The following FAM151B variants were observed in gnomAD, a reference collection of about 807,000 sequenced individuals.
FAM151B encodes family with sequence similarity 151 member B.
A neutral mutation model predicts 31.2 loss-of-function variants in FAM151B; 24 were observed. The ratio of observed to expected loss-of-function variants is 0.77; its 90% CI spans 0.56 to 1.08. The LOEUF (loss-of-function observed/expected upper bound fraction) is 1.08. FAM151B is among the 50% of genes least tolerant of loss of function. The pLI is 0.00. For missense variants in FAM151B, 293 were observed against 328.6 expected, an observed-to-expected ratio of 0.89 and a Z score of 0.84; for synonymous variants, 105 against 111.4, an observed-to-expected ratio of 0.94 and a Z score of 0.36.
intron 5 of FAM151B, among the ~76,000 whole-genome samples, chr5:80,528,128 C>T (rs1745053796): frequency 6.6e-6 from 1 of 151,900 alleles, no homozygotes; most frequent in South Asian, 2.1e-4. Flanking sequence ...GAAAATTTCC[C>T]GAATGAGTAG....
intron 2 of FAM151B, among the ~76,000 whole-genome samples, chr5:80,511,594 A>T (rs190884690): frequency 6.6e-6 from 1 of 151,310 alleles, no homozygotes; most frequent in Non-Finnish European, 1.5e-5. Context: ...CCACTATTTT[A>T]TTATTTATCT....
intron 5 of FAM151B, among the ~76,000 whole-genome samples, chr5:80,533,053 C>G (rs1745322176): frequency 6.6e-6 from 1 of 152,076 alleles, no homozygotes; most frequent in Non-Finnish European, 1.5e-5. Flanking sequence ...ATTTTTAAAA[C>G]TTCAAATAAC....
chr5:80,511,728 T>C (rs568177400), intron 2 of FAM151B, among the ~76,000 whole-genome samples: 1 of 152,046 alleles, frequency 6.6e-6, no homozygotes, highest in African/African-American at 2.4e-5. Flanking sequence ...TGCCTCAGCC[T>C]CCTGAGTAGC....
At chr5:80,500,549 A>T (rs563411774) in intron 1 of FAM151B, 3 of 756,494 alleles carry the variant, frequency 4.0e-6, no homozygotes, top group African/African-American at 3.4e-5. Flanking sequence ...AATGGCAAGG[A>T]TGGCGAGAAA....
chr5:80,525,516 C>CA (rs1484339287), intron 5 of FAM151B, among the ~76,000 whole-genome samples: 1 of 152,088 alleles, frequency 6.6e-6, no homozygotes. Flanking sequence ...TACAGTAACT[C>CA]AAACAGGAGA....
chr5:80,526,285 CT>C (rs1417802416), intron 5 of FAM151B, among the ~76,000 whole-genome samples: 16 of 152,074 alleles, frequency 1.1e-4, no homozygotes, highest in African/African-American at 3.9e-4. Context: ...GTGTCCAAAT[CT>C]ATATCCTAAA....
intron 5 of FAM151B, among the ~76,000 whole-genome samples, chr5:80,526,787 G>A (rs951009591): frequency 6.6e-6 from 1 of 152,018 alleles, no homozygotes; most frequent in African/African-American, 2.4e-5. Flanking sequence ...ATCAGTAGGG[G>A]TGATTTGGCT....
chr5:80,508,999 C>T (rs1026645764), intron 2 of FAM151B, among the ~76,000 whole-genome samples: 12 of 151,872 alleles, frequency 7.9e-5, no homozygotes, highest in Non-Finnish European at 1.3e-4. Context: ...TAAGAGACAA[C>T]GTCTCACTCT....
chr5:80,508,227 A>G (rs1744051522), intron 2 of FAM151B, among the ~76,000 whole-genome samples: 1 of 152,190 alleles, frequency 6.6e-6, no homozygotes, highest in African/African-American at 2.4e-5. Context: ...TACTGCTGCT[A>G]TGAGCATTCA....
intron 1 of FAM151B, among the ~76,000 whole-genome samples, chr5:80,494,789 C>A (rs1743469236): frequency 6.6e-6 from 1 of 152,108 alleles, no homozygotes; most frequent in South Asian, 2.1e-4. Flanking sequence ...GCTGGGACTA[C>A]AAGCATGAGC....
chr5:80,508,791 G>T (rs992383145), intron 2 of FAM151B, among the ~76,000 whole-genome samples: 1 of 152,172 alleles, frequency 6.6e-6, no homozygotes. Context: ...AAGTTAAGGT[G>T]CAGTGGACAA....
intron 5 of FAM151B, 118 bp downstream of exon 5, chr5:80,522,256 A>T: frequency 9.5e-7 from 1 of 1,049,086 alleles, no homozygotes; most frequent in Non-Finnish European, 1.4e-6. Context: ...CAGAAAAGGA[A>T]TGAAAACTGA....
In FAM151B at chr5:80,535,081, C is replaced by G. The variant is rs1400109169; in HGVS notation, c.672-6592C>G. On this transcript the variant is annotated intron_variant, in intron 5 of 5. Coordinates refer to ENST00000282226, the MANE Select transcript of FAM151B (RefSeq NM_205548.3). ...TCTCTATAATTAAAACTATAAAACA[C>G]TGGTGCAAGAAACTGAAGAGGACAC... Among the ~76,000 whole-genome samples the G allele has an allele frequency of 2.0e-5, 3 of 152,100 alleles. No individual in the cohort carries two copies. In the South Asian group the frequency reaches 6.2e-4, roughly 31 times the overall value.
chr5:80,507,714 G>A (rs914977437), intron 2 of FAM151B, among the ~76,000 whole-genome samples: 2 of 152,116 alleles, frequency 1.3e-5, no homozygotes, highest in African/African-American at 4.8e-5. Context: ...TCCATTTGGA[G>A]AAAGGGGTGC....
chr5:80,518,071 C>G (rs1360681387), intron 3 of FAM151B, among the ~76,000 whole-genome samples: 1 of 84,762 alleles, frequency 1.2e-5, no homozygotes, highest in Non-Finnish European at 2.3e-5. Context: ...AACTCCATCT[C>G]AAAGAAAAAA....
intron 5 of FAM151B, among the ~76,000 whole-genome samples, chr5:80,539,067 G>T (rs559023036): frequency 1.4e-5 from 2 of 145,610 alleles, no homozygotes; most frequent in Non-Finnish European, 3.0e-5. Flanking sequence ...TCTTTCCTAG[G>T]TGTATGATAT....
chr5:80,531,132 G>A (rs1352702886), intron 5 of FAM151B, among the ~76,000 whole-genome samples: 1 of 152,168 alleles, frequency 6.6e-6, no homozygotes, highest in Non-Finnish European at 1.5e-5. Context: ...AACAAGAAAT[G>A]GGGAAAGGAT....
At chr5:80,528,446 G>C (rs747710161) in intron 5 of FAM151B, among the ~76,000 whole-genome samples, 1 of 151,762 alleles carries the variant, frequency 6.6e-6, no homozygotes, top group Non-Finnish European at 1.5e-5. Flanking sequence ...AAAAAAGAGC[G>C]AGACTCATCA....
chr5:80,497,410 G>C (rs1338011802), intron 1 of FAM151B, among the ~76,000 whole-genome samples: 1 of 147,216 alleles, frequency 6.8e-6, no homozygotes, highest in Non-Finnish European at 1.5e-5. Context: ...GCAAGACTCC[G>C]GCTCAAAAAA....
Sources: gnomAD v4.1 joint callset for allele counts (sites outside exome capture counted in the v4.1 genomes callset) on GRCh38, gnomAD v4.1.1 for gene constraint, MANE v1.5 for transcripts, NCBI Gene and HGNC (gene_info 2026-07-23, HGNC 2026-07-21) for gene names.